Variants in TRPM5 observed in about 807,000 individuals in gnomAD.
TRPM5 encodes the protein MLSN1 and TRP-related.
A neutral mutation model predicts 124.9 loss-of-function variants in TRPM5; 121 were observed. The observed-to-expected ratio is 0.97, with a 90% CI of 0.84 to 1.13. The LOEUF (loss-of-function observed/expected upper bound fraction) is 1.13, where lower values mean the gene tolerates loss of function less well. Ranked by LOEUF, TRPM5 falls within the 50% of genes most tolerant of loss-of-function variation. The probability of loss-of-function intolerance (pLI) is 0.00; values close to 1 mark genes in which losing one functional copy is unlikely to be tolerated. For missense variants in TRPM5, 1,643 were observed against 1,589.1 expected (o/e 1.03, Z -0.58); for synonymous variants, 781 against 700.5 (o/e 1.11, Z -1.81).
At chr11:2,425,601 G>T (rs539864614), upstream of TRPM5, among the ~76,000 whole-genome samples, 1 of 103,254 alleles carries the variant, frequency 9.7e-6, no homozygotes, top group East Asian at 2.7e-4. Context: ...GCAGGGAGGT[G>T]GGATGTGTGC....
At chr11:2,406,228 AGATCTGGTGGCACCAGGACC>A in intron 21 of TRPM5, 137 bp from the exon 27 acceptor site, 2 of 889,614 alleles carry the variant, frequency 2.2e-6, no homozygotes, top group Non-Finnish European at 1.8e-6. Context: ...CCTCATGCCC[AGATCTGGTGGCACCAGGACC>A]CCTCAAAGTG....
chr11:2,409,919 C>T (rs1316533614), intron 18 of TRPM5, among the ~76,000 whole-genome samples: 1 of 152,206 alleles, frequency 6.6e-6, no homozygotes, highest in Non-Finnish European at 1.5e-5. Context: ...GAGAAGGAGG[C>T]TATGGCCAGG....
chr11:2,432,378 C>T, the TRPM5 span, among the ~76,000 whole-genome samples: 9,641 of 152,310 alleles, frequency 0.063, 423 homozygotes, highest in East Asian at 0.24. Flanking sequence ...CAGGGCCCAG[C>T]CCCTGCCCCC....
At chr11:2,440,897 G>A in the TRPM5 span, among the ~76,000 whole-genome samples, 4 of 152,270 alleles carry the variant, frequency 2.6e-5, no homozygotes, top group Non-Finnish European at 4.4e-5. This position sits in a 1 kb window ranked among gnomAD's most constrained non-coding sequence, Gnocchi z 5.2. Context: ...CCTTCCCTTG[G>A]TCAGCCTCAG....
chr11:2,442,509 C>T, the TRPM5 span, among the ~76,000 whole-genome samples: 3 of 151,988 alleles, frequency 2.0e-5, no homozygotes, highest in East Asian at 3.9e-4. This position sits in a 1 kb window ranked among gnomAD's most constrained non-coding sequence, Gnocchi z 5.9. Context: ...ACAGCTGAAG[C>T]GATTGAAGGA....
chr11:2,414,009 G>GGGGCGCCCCCCCCCCC, intron 12 of TRPM5, 52 bp downstream of exon 17: 6 of 1,023,730 alleles, frequency 5.9e-6, no homozygotes, highest in East Asian at 2.8e-5. Context: ...GGCCCAGCTC[G>GGGGCGCCCCCCCCCCC]CCCGCCCACC....
exon 24 of TRPM5, chr11:2,404,842 T>TG: frequency 2.8e-6 from 3 of 1,062,210 alleles, no homozygotes; most frequent in Non-Finnish European, 1.4e-6. Flanking sequence ...TGGTGCCCCC[T>TG]GGGGGGTTCC....
At chr11:2,421,471 C>G (rs574638221) in intron 2 of TRPM5, among the ~76,000 whole-genome samples, 6 of 152,214 alleles carry the variant, frequency 3.9e-5, no homozygotes, top group Non-Finnish European at 5.9e-5. Flanking sequence ...TCCAGTCCCC[C>G]CACCGTGCTC....
upstream of TRPM5, among the ~76,000 whole-genome samples, chr11:2,425,389 C>T (rs985255764): frequency 6.6e-6 from 1 of 152,138 alleles, no homozygotes; most frequent in African/African-American, 2.4e-5. Flanking sequence ...CCTTGGTTGC[C>T]GCATGGTCTG....
intron 22 of TRPM5, 78 bp from the exon 28 acceptor site, chr11:2,405,671 C>G: frequency 2.7e-6 from 4 of 1,471,470 alleles, no homozygotes; most frequent in Non-Finnish European, 3.7e-6. Flanking sequence ...CCCATCTCCC[C>G]TCTCCTGCCA....
Position 2,407,322 on chromosome 11 carries a change from G to A in TRPM5, c.2937-22C>T, listed in dbSNP as rs369338949. The stretch of plus-strand genomic sequence containing the variant: ...GTAGCTGCAGGGGCACAGCTGAGCC[G>A]TCACCTACCGGCTCCCCACGACCAC... On this transcript the variant is annotated intron_variant, in intron 19 of 23. Transcript: ENST00000155858. 1.3e-4 allele frequency: 214 copies of A among 1,594,484 alleles called. 1 individual carries two copies. In the African/African-American group the frequency reaches 2.2e-3, roughly 16 times the overall value.
At chr11:2,413,345 C>T (rs192366667) in intron 13 of TRPM5, 119 bp from the exon 19 acceptor site, 11 of 1,307,658 alleles carry the variant, frequency 8.4e-6, no homozygotes, top group Middle Eastern at 5.3e-4. Context: ...GAGTGGGACC[C>T]GCAGGGAGGC....
chr11:2,428,608 G>T, the TRPM5 span, among the ~76,000 whole-genome samples: 1 of 151,624 alleles, frequency 6.6e-6, no homozygotes, highest in African/African-American at 2.4e-5. The surrounding 1 kb of genome is among the most constrained non-coding windows in gnomAD (Gnocchi z 4.0). Flanking sequence ...GGTAGTTGGG[G>T]TGGTGATGGC....
chr11:2,434,908 A>G, the TRPM5 span, among the ~76,000 whole-genome samples: 1 of 152,194 alleles, frequency 6.6e-6, no homozygotes, highest in Non-Finnish European at 1.5e-5. Flanking sequence ...CCATGAACTC[A>G]ACCATCCGAT....
At chr11:2,436,170 A>G in the TRPM5 span, among the ~76,000 whole-genome samples, 1 of 152,058 alleles carries the variant, frequency 6.6e-6, no homozygotes, top group South Asian at 2.1e-4. Flanking sequence ...TCCCCTACTG[A>G]TCACCCATTC....
intron 12 of TRPM5, 52 bp downstream of exon 17, chr11:2,414,009 G>GACC: frequency 2.9e-6 from 3 of 1,023,734 alleles, no homozygotes; most frequent in Non-Finnish European, 4.3e-6. Context: ...GGCCCAGCTC[G>GACC]CCCGCCCACC....
rs144158249 is a variant in TRPM5, at chr11:2,413,508, G to T, written c.1971C>A (p.Pro657=). The T allele has an allele frequency of 1.9e-6, 3 of 1,612,234 alleles. No homozygotes were observed. In the South Asian group the frequency reaches 3.3e-5, roughly 18 times the overall value. Residue 657 remains proline, a synonymous_variant, in exon 13 of 24, where the codon CCC becomes CCA. Transcript: ENST00000155858. ...TGATGAGGTTGGTATAGACGAGGGC[G>T]GGGCAGAGGAAGGCTCCTAGCAGCC...
chr11:2,425,512 A>G (rs568587251), upstream of TRPM5, among the ~76,000 whole-genome samples: 91 of 152,220 alleles, frequency 6.0e-4, no homozygotes, highest in African/African-American at 2.0e-3. Context: ...AAACGAGGTC[A>G]TATTCTAAGG....
chr11:2,420,529 G>A (rs747623324), intron 3 of TRPM5, 124 bp from the exon 9 acceptor site: 11 of 999,520 alleles, frequency 1.1e-5, no homozygotes, highest in African/African-American at 1.6e-5. Context: ...GCTTCTGCCC[G>A]AGCCTTGGTT....
Sources: gnomAD v4.1 joint callset for allele counts (sites outside exome capture counted in the v4.1 genomes callset) on GRCh38, gnomAD v4.1.1 for gene constraint, Gnocchi (gnomAD v3.1) non-coding constraint, MANE v1.5 for transcripts, NCBI Gene and HGNC (gene_info 2026-07-23, HGNC 2026-07-21) for gene names.